The following RALGPS2 variants were observed in gnomAD, a reference collection of about 807,000 sequenced individuals.
The protein encoded by RALGPS2 is ras-specific guanine nucleotide-releasing factor RalGPS2.
In RALGPS2, 43 loss-of-function variants were observed where a neutral mutation model predicts 86.8. That is an observed-to-expected ratio of 0.50 (90% CI 0.39 to 0.64). The LOEUF is 0.64. Ranked by LOEUF, RALGPS2 falls within the 30% of genes least tolerant of loss-of-function variation. The pLI is 0.00. For missense variants in RALGPS2, 536 were observed against 694.6 expected (o/e 0.77, Z 2.57); for synonymous variants, 243 against 231.3 (o/e 1.05, Z -0.46).
At chr1:178,776,476 A>G (rs6662050) in intron 1 of RALGPS2, among the ~76,000 whole-genome samples, 3 of 152,114 alleles carry the variant, frequency 2.0e-5, no homozygotes, top group Non-Finnish European at 4.4e-5. Flanking sequence ...TAACAATAAC[A>G]TCTATTGAAT....
intron 4 of RALGPS2, among the ~76,000 whole-genome samples, chr1:178,786,921 A>G (rs941086840): frequency 2.0e-5 from 3 of 151,860 alleles, no homozygotes; most frequent in East Asian, 1.9e-4. Context: ...CTCAAATTCG[A>G]TACCTATAAA....
chr1:178,836,953 A>G (rs1318255185), intron 8 of RALGPS2, among the ~76,000 whole-genome samples: 1 of 151,570 alleles, frequency 6.6e-6, no homozygotes, highest in South Asian at 2.1e-4. Flanking sequence ...TAATTTTAAA[A>G]TTTTTTTTGT....
At chr1:178,782,857 A>G (rs978701478) in intron 2 of RALGPS2, among the ~76,000 whole-genome samples, 1 of 152,226 alleles carries the variant, frequency 6.6e-6, no homozygotes, top group South Asian at 2.1e-4. Context: ...TAAGCACAGC[A>G]TAATGCCTAG....
intron 1 of RALGPS2, among the ~76,000 whole-genome samples, chr1:178,767,355 T>C (rs1207434160): frequency 6.8e-6 from 1 of 147,442 alleles, no homozygotes; most frequent in Non-Finnish European, 1.5e-5. Flanking sequence ...TGCTGTCCTT[T>C]GGCTTTTTTT....
At chr1:178,883,427 A>G in intron 10 of RALGPS2, 39 bp from the exon 11 acceptor site, 1 of 1,418,676 alleles carries the variant, frequency 7.0e-7, no homozygotes, top group Non-Finnish European at 9.9e-7. Flanking sequence ...GTCAAATGTT[A>G]ATTAATCATT....
In RALGPS2 at chr1:178,744,213, C is replaced by T. The variant is rs79582967; in HGVS notation, c.-84+18794C>T. Among the ~76,000 whole-genome samples, 312 of 152,182 alleles carry T rather than the reference C, an allele frequency of 2.1e-3. 2 individuals carry two copies. Among genetic ancestry groups the T allele is most frequent in the African/African-American group, 7.2e-3 (300 of 41,524 alleles). On this transcript the variant is annotated intron_variant, in intron 1 of 19. Transcript: ENST00000367635. ...GTTGGTTTAACATTTAAAAAGCAAT[C>T]GTTGTAATTCACTACATTAAGTAAA...
chr1:178,858,553 A>G (rs1322529840), intron 8 of RALGPS2, among the ~76,000 whole-genome samples: 1 of 152,090 alleles, frequency 6.6e-6, no homozygotes, highest in East Asian at 1.9e-4. Flanking sequence ...TATTTTTTGC[A>G]AGAGTCTTCT....
intron 8 of RALGPS2, among the ~76,000 whole-genome samples, chr1:178,835,528 G>T (rs1572381869): frequency 6.6e-6 from 1 of 152,072 alleles, no homozygotes; most frequent in Non-Finnish European, 1.5e-5. Context: ...AGGTAGCTGG[G>T]ATTACAGGCA....
intron 8 of RALGPS2, among the ~76,000 whole-genome samples, chr1:178,868,372 C>A (rs924451977): frequency 6.6e-6 from 1 of 151,904 alleles, no homozygotes; most frequent in Admixed American, 6.6e-5. Context: ...TAACTTACCA[C>A]TGCTAAAGTC....
In RALGPS2 at chr1:178,749,079, C is replaced by T. The variant is rs182187505; in HGVS notation, c.-84+23660C>T. Among the ~76,000 whole-genome samples the T allele has an allele frequency of 1.3e-3, 193 of 152,200 alleles. 2 individuals carry two copies. Among genetic ancestry groups the T allele is most frequent in the African/African-American group, 4.3e-3 (177 of 41,542 alleles). On this transcript the variant is annotated intron_variant, in intron 1 of 19. Coordinates refer to ENST00000367635, the MANE Select transcript of RALGPS2 (RefSeq NM_152663.5). ...TCTTGAACTCCTGGGCTCAAGCTGT[C>T]CTCTCACTTACAGGTACACACCACC...
chr1:178,772,314 G>C (rs1213017399), intron 1 of RALGPS2, among the ~76,000 whole-genome samples: 1 of 152,062 alleles, frequency 6.6e-6, no homozygotes, highest in African/African-American at 2.4e-5. Context: ...TAGAGCATCT[G>C]GCCAAAATAC....
chr1:178,908,678 G>A (rs1011647774), intron 19 of RALGPS2, among the ~76,000 whole-genome samples: 8 of 152,134 alleles, frequency 5.3e-5, no homozygotes, highest in African/African-American at 1.2e-4. Flanking sequence ...GATATTGGCC[G>A]TTTTTCAAAT....
chr1:178,740,645 C>T (rs189759942), intron 1 of RALGPS2, among the ~76,000 whole-genome samples: 1 of 152,228 alleles, frequency 6.6e-6, no homozygotes, highest in East Asian at 1.9e-4. Context: ...GAGAGAAGTG[C>T]AAAATTCTGA....
In RALGPS2 at chr1:178,776,750, A is replaced by AC; in HGVS notation, c.-14dup. On this transcript the variant is annotated 5_prime_UTR_variant, in exon 2 of 20. Coordinates refer to ENST00000367635, the MANE Select transcript of RALGPS2 (RefSeq NM_152663.5). ...TGTTGCTGTTAACATAAGGTCAGGG[A>AC]CTGATGAGGAAAGCATGGACCTAAT... is the stretch of plus-strand genomic sequence containing the variant. 6.2e-7 allele frequency: 1 copy of AC among 1,609,094 alleles called. No homozygotes were observed. The highest frequency in any genetic ancestry group is 2.2e-5 in the East Asian group (1 of 44,676).
At chr1:178,901,199 A>C (rs1660162625) in intron 17 of RALGPS2, among the ~76,000 whole-genome samples, 1 of 152,062 alleles carries the variant, frequency 6.6e-6, no homozygotes. Context: ...TTTAAAGCAT[A>C]ATAAATAAAA....
At chr1:178,737,739 C>G (rs1650796717) in intron 1 of RALGPS2, among the ~76,000 whole-genome samples, 1 of 151,946 alleles carries the variant, frequency 6.6e-6, no homozygotes, top group Non-Finnish European at 1.5e-5. Context: ...TCTTTTTACC[C>G]AAATGGTTAA....
intron 13 of RALGPS2, among the ~76,000 whole-genome samples, chr1:178,887,611 G>C (rs557355793): frequency 6.6e-6 from 1 of 152,198 alleles, no homozygotes; most frequent in Non-Finnish European, 1.5e-5. Flanking sequence ...AGTAGAAGGA[G>C]ATGCAAAAGG....
At chr1:178,768,245 C>T (rs1388560153) in intron 1 of RALGPS2, among the ~76,000 whole-genome samples, 1 of 152,110 alleles carries the variant, frequency 6.6e-6, no homozygotes, top group African/African-American at 2.4e-5. Context: ...GGTGGTGTCA[C>T]TGTATTCAGA....
intron 19 of RALGPS2, among the ~76,000 whole-genome samples, chr1:178,913,115 C>T (rs1330006022): frequency 6.6e-6 from 1 of 152,078 alleles, no homozygotes; most frequent in African/African-American, 2.4e-5. Context: ...AACCCCGTCT[C>T]TGCTAAAAAT....
Sources: gnomAD v4.1 joint callset for allele counts (sites outside exome capture counted in the v4.1 genomes callset) on GRCh38, gnomAD v4.1.1 for gene constraint, MANE v1.5 for transcripts, NCBI Gene and HGNC (gene_info 2026-07-23, HGNC 2026-07-21) for gene names.